CHFR: variants seen among roughly 807,000 people sequenced by gnomAD.
The protein encoded by CHFR is checkpoint with forkhead and ring finger domains.
In CHFR, 57 loss-of-function variants were observed where a neutral mutation model predicts 87.6. The observed-to-expected ratio is 0.65, with a 90% confidence interval of 0.53 to 0.81. CHFR has a LOEUF of 0.81. CHFR is among the 30% of genes least tolerant of loss of function. The pLI is 0.00. For synonymous variants in CHFR, 381 were observed against 359.2 expected (o/e 1.06, Z -0.69); for missense variants, 797 against 865.8 (o/e 0.92, Z 1.00).
rs1951110744 is a variant in CHFR, at chr12:132,857,566, G to C, written c.912-7C>G. 1 of 1,613,252 alleles carries C rather than the reference G, an allele frequency of 6.2e-7. No individual in the cohort carries two copies. The highest frequency in any genetic ancestry group is 8.5e-7 in the Non-Finnish European group (1 of 1,179,710). ...GTGCATGCAGGGCTGCAAACTGAAA[G>C]TGCAAGAGGAACAGTGTCCAGACAG... On this transcript the variant is annotated splice_region_variant and splice_polypyrimidine_tract_variant and intron_variant, in intron 8 of 17. Transcript: ENST00000450056.
chr12:132,857,144 C>T (rs186407885), intron 9 of CHFR, among the ~76,000 whole-genome samples: 3,485 of 119,100 alleles, frequency 0.029, 105 homozygotes, highest in Middle Eastern at 0.087. Flanking sequence ...ACAGCCCTCA[C>T]GTGCCCGGGT....
intron 15 of CHFR, among the ~76,000 whole-genome samples, chr12:132,845,566 CTT>C (rs1016985039): frequency 2.0e-5 from 3 of 152,116 alleles, no homozygotes; most frequent in Non-Finnish European, 4.4e-5. Flanking sequence ...GAGATGATCT[CTT>C]GAGCCCAGGA....
At chr12:132,850,057 C>T (rs1950906510) in intron 12 of CHFR, 1 of 151,248 alleles carries the variant, frequency 6.6e-6, no homozygotes. Flanking sequence ...GGGTTCACGC[C>T]ATTCTCCTGC....
chr12:132,844,885 G>A (rs1017902428), intron 15 of CHFR, among the ~76,000 whole-genome samples: 3 of 151,734 alleles, frequency 2.0e-5, no homozygotes, highest in Admixed American at 6.6e-5. Flanking sequence ...CGCCCGCCTC[G>A]GCTTCCCAAA....
intron 6 of CHFR, chr12:132,868,056 C>T (rs762267676): frequency 2.6e-5 from 4 of 152,214 alleles, no homozygotes; most frequent in Admixed American, 6.5e-5. Context: ...AAAACATTCC[C>T]GTCACGCTGC....
At chr12:132,853,831 G>C (rs11147109) in intron 10 of CHFR, 83,698 of 490,610 alleles carry the variant, frequency 0.17, 7,904 homozygotes, top group Middle Eastern at 0.23. Context: ...AGGGTCACTA[G>C]GTCCCCACTG....
At position 132,853,485 on chromosome 12, in the gene CHFR, C is replaced by T; in HGVS notation, c.1318G>A (p.Gly440Arg). ...GCATCCCCCAGGGCCTGTGGGGCTC[C>T]TGGCTCGCCCTCGGGTGCTGGGCAG... ...PHCPAPEGEP[G>R]APQALGDAPS... Residue 440 changes from glycine to arginine, a missense_variant, in exon 11 of 18, where the codon GGA becomes AGA. Around this residue, in one of 2 missense-constraint regions of CHFR, gnomAD observed 597 missense variants for 601.2 expected, o/e 0.99. Transcript: ENST00000450056. 2 of 1,537,714 alleles carry T rather than the reference C, an allele frequency of 1.3e-6. No homozygotes were observed. The highest frequency in any genetic ancestry group is 2.4e-5 in the South Asian group (2 of 81,814).
chr12:132,883,421 C>A, intron 2 of CHFR, among the ~76,000 whole-genome samples: 1 of 126,254 alleles, frequency 7.9e-6, no homozygotes. Context: ...AGTGAAACTC[C>A]GTCTCAAAAA....
intron 6 of CHFR, among the ~76,000 whole-genome samples, chr12:132,864,834 C>T (rs1951297717): frequency 6.6e-6 from 1 of 152,168 alleles, no homozygotes; most frequent in East Asian, 1.9e-4. Context: ...AAATACGCTG[C>T]CCTTTTTAAG....
At chr12:132,878,687 C>T (rs565375944) in intron 2 of CHFR, among the ~76,000 whole-genome samples, 1 of 150,334 alleles carries the variant, frequency 6.7e-6, no homozygotes, top group African/African-American at 2.4e-5. Flanking sequence ...GGCGTGGTGG[C>T]GGGCGCCTTG....
At chr12:132,870,603 T>G in intron 5 of CHFR, 121 bp downstream of exon 5, 1 of 597,396 alleles carries the variant, frequency 1.7e-6, no homozygotes, top group Non-Finnish European at 3.0e-6. Context: ...GAGGCTGCAG[T>G]GAGCTGAGAT....
chr12:132,867,962 A>G (rs958155497), intron 6 of CHFR: 1 of 151,932 alleles, frequency 6.6e-6, no homozygotes, highest in Non-Finnish European at 1.5e-5. Context: ...AGAAAATTAA[A>G]AAAAAATAAT....
Position 132,848,689 on chromosome 12 carries a change from A to C in CHFR, c.1528T>G (p.Trp510Gly). ...VCLQPFCHLY[W>G]GCTRTGCYGC... The stretch of plus-strand genomic sequence containing the variant: ...TAGCAGCCGGTCCGGGTGCAGCCCC[A>C]GTACAGGTGGCAGAAAGGCTGCAGG... The change falls in exon 13 of 18, where the codon TGG (tryptophan) becomes GGG (glycine). Residue 510 changes from tryptophan (W) to glycine (G), a missense_variant. Trp to Gly is a radical substitution (Grantham distance 184, BLOSUM62 -2). This residue lies in a region of CHFR where 200 missense variants were observed against 264.6 expected (regional missense o/e 0.76). Coordinates refer to ENST00000450056, the MANE Select transcript of CHFR (RefSeq NM_001161346.2). 4 of 1,595,306 alleles carry C rather than the reference A, an allele frequency of 2.5e-6. No individual in the cohort carries two copies. Among genetic ancestry groups the C allele is most frequent in the Non-Finnish European group, 3.4e-6 (4 of 1,171,132 alleles).
intron 5 of CHFR, among the ~76,000 whole-genome samples, chr12:132,870,390 G>A (rs964056059): frequency 3.3e-5 from 5 of 150,874 alleles, no homozygotes; most frequent in African/African-American, 1.2e-4. Flanking sequence ...AAATTAGCCA[G>A]GCGTGACGGT....
Position 132,869,713 on chromosome 12 carries a change from T to C in CHFR, c.489A>G (p.Pro163=), listed in dbSNP as rs1212965676. The change falls in exon 6 of 18, where the codon CCA becomes CCG. Residue 163 remains proline (P), a synonymous_variant. Transcript: ENST00000450056. ...SPATQVCFEE[P]QPSTSTSDLF... is the part of the protein sequence containing the mutation. ...GGTCTGACGTCGATGTTGATGGCTG[T>C]GGTTCCTCAAAGCACACCTGAGTGG... 19 of 1,551,588 alleles carry C rather than the reference T, an allele frequency of 1.2e-5. No homozygotes were observed. The East Asian group carries it at 4.2e-4, about 34-fold the overall frequency.
intron 2 of CHFR, 147 bp from the exon 3 acceptor site, chr12:132,877,801 GA>G: frequency 1.3e-5 from 6 of 478,628 alleles, no homozygotes; most frequent in East Asian, 1.1e-4. Context: ...AAGACATAAA[GA>G]AATTTTTTTT....
chr12:132,836,928 T>C lies in CHFR; in HGVS notation c.*4626A>G, dbSNP rs1452092288. ...CAGGCAAGATCCCTGCTCTATTTTT[T>C]TGAGAGGGGGAGACAAACGGTAAAC... On this transcript the variant is annotated 3_prime_UTR_variant, in exon 18 of 18. Coordinates refer to ENST00000450056, the MANE Select transcript of CHFR (RefSeq NM_001161346.2). 5.4e-6 allele frequency: 2 copies of C among 369,716 alleles called. No individual in the cohort carries two copies. Among genetic ancestry groups the C allele is most frequent in the Admixed American group, 3.5e-5 (1 of 28,490 alleles). 22.9% of individuals were successfully genotyped at this position (369,716 alleles called of 1,614,324 possible). A position where few individuals can be genotyped will look rare whatever the true frequency, so the allele number is the denominator to read the frequency against.
chr12:132,843,557 T>C (rs774539804), intron 16 of CHFR, among the ~76,000 whole-genome samples: 19 of 152,280 alleles, frequency 1.2e-4, no homozygotes, highest in Middle Eastern at 3.4e-3. Flanking sequence ...TAACTGCAAA[T>C]AGACCCAGGG....
chr12:132,872,102 G>A (rs1327257009), intron 4 of CHFR, 183 bp downstream of exon 4: 2 of 530,744 alleles, frequency 3.8e-6, no homozygotes, highest in African/African-American at 3.8e-5. Context: ...GGCTCAGGCT[G>A]CAAAGTCGAC....
Sources: allele counts gnomAD v4.1 joint callset (sites outside exome capture counted in the v4.1 genomes callset), GRCh38; gene constraint gnomAD v4.1.1; regional missense constraint gnomAD v4.1.1; transcripts MANE v1.5; gene names NCBI Gene and HGNC (gene_info 2026-07-23, HGNC 2026-07-21).